SSUH2: variants seen among roughly 807,000 people sequenced by gnomAD.
SSUH2 encodes ssu-2 homolog, also known as protein SSUH2 homolog.
In SSUH2, 47 loss-of-function variants were observed where a neutral mutation model predicts 55.3. The ratio of observed to expected loss-of-function variants is 0.85; its 90% CI spans 0.67 to 1.08. SSUH2 has a LOEUF of 1.08. Among genes scored for constraint, SSUH2 ranks in the 50% least tolerant of loss-of-function variants. The pLI, the probability that SSUH2 is intolerant of heterozygous loss-of-function variation, is 0.00. For synonymous variants in SSUH2, 212 were observed against 191.5 expected (o/e 1.11, Z -0.89); for missense variants, 535 against 490.7 (o/e 1.09, Z -0.85).
intron 8 of SSUH2, 25 bp downstream of exon 8, chr3:8,627,673 C>G: frequency 1.4e-6 from 2 of 1,424,808 alleles, no homozygotes; most frequent in South Asian, 1.4e-5. Context: ...AGCACTTCAC[C>G]GCGGTGCTGG....
In SSUH2 at chr3:8,623,636, G is replaced by C. The variant is rs1009408235; in HGVS notation, c.894C>G (p.Phe298Leu). Residue 298 changes from phenylalanine (F) to leucine (L), a missense_variant, in exon 11 of 12, where the codon TTC (phenylalanine) becomes TTG (leucine). Physicochemically the swap from Phe to Leu is conservative, Grantham distance 22. Coordinates refer to ENST00000544814, the MANE Select transcript of SSUH2 (RefSeq NM_001256748.3). ...ENSVVYPIVD[F>L]PLRDISLASQ... ...AGGCAAGAGAGATGTCTCGCAGAGG[G>C]AAGTCCACGATGGGGTACACCTGGG... 3.3e-6 allele frequency: 5 copies of C among 1,538,100 alleles called. No homozygotes were observed. In the African/African-American group the frequency reaches 4.1e-5, roughly 13 times the overall value.
At chr3:8,648,979 C>CT (rs369236300), upstream of SSUH2, among the ~76,000 whole-genome samples, 20 of 152,294 alleles carry the variant, frequency 1.3e-4, no homozygotes, top group African/African-American at 4.8e-4. Flanking sequence ...TCTCCAGCAC[C>CT]TGGCCAAGCC....
At chr3:8,628,505 TC>T (rs1361623789) in intron 7 of SSUH2, among the ~76,000 whole-genome samples, 1 of 152,188 alleles carries the variant, frequency 6.6e-6, no homozygotes, top group Non-Finnish European at 1.5e-5. Flanking sequence ...TTTACTGGAA[TC>T]CCAGAGTGGG....
intron 11 of SSUH2, among the ~76,000 whole-genome samples, chr3:8,621,980 G>C (rs147262024): frequency 6.8e-6 from 1 of 147,942 alleles, no homozygotes; most frequent in Non-Finnish European, 1.5e-5. Flanking sequence ...AAAAAGTCTC[G>C]AAGTTTGAGG....
upstream of SSUH2, among the ~76,000 whole-genome samples, chr3:8,646,377 GAAC>G (rs1158589745): frequency 6.6e-6 from 1 of 152,078 alleles, no homozygotes; most frequent in Non-Finnish European, 1.5e-5. Context: ...CATTTAAAAG[GAAC>G]AACCACAGAA....
At chr3:8,679,465 G>C (rs1219926769) in intron 2 of SSUH2, among the ~76,000 whole-genome samples, 2 of 140,464 alleles carry the variant, frequency 1.4e-5, no homozygotes, top group East Asian at 2.3e-4. Flanking sequence ...CACCCCCCGG[G>C]AGGCGGGGAC....
intron 3 of SSUH2, chr3:8,634,531 T>C: frequency 7.8e-7 from 1 of 1,289,744 alleles, no homozygotes. Context: ...TCCAGCATCC[T>C]CCAGCCCTGG....
intron 2 of SSUH2, among the ~76,000 whole-genome samples, chr3:8,678,486 C>T (rs1256384978): frequency 1.4e-5 from 2 of 142,076 alleles, no homozygotes; most frequent in Non-Finnish European, 3.2e-5. Flanking sequence ...ACCCCCATTG[C>T]AAGGGGGTGA....
chr3:8,643,532 C>A (rs1176971012), intron 1 of SSUH2, among the ~76,000 whole-genome samples: 1 of 152,146 alleles, frequency 6.6e-6, no homozygotes, highest in African/African-American at 2.4e-5. Flanking sequence ...TATCTCCAGG[C>A]AGTCTTTCAC....
chr3:8,660,737 T>C (rs907534388), intron 6 of SSUH2, among the ~76,000 whole-genome samples: 2 of 152,224 alleles, frequency 1.3e-5, no homozygotes, highest in Non-Finnish European at 2.9e-5. Flanking sequence ...ATATGACCTA[T>C]CATATGATTA....
intron 1 of SSUH2, among the ~76,000 whole-genome samples, chr3:8,681,019 T>C (rs575776875): frequency 2.9e-4 from 36 of 126,226 alleles, no homozygotes; most frequent in Admixed American, 2.5e-3. Flanking sequence ...GGAGGCAACC[T>C]CCAAGTGGCG....
chr3:8,633,790 G>C lies in SSUH2; in HGVS notation c.215C>G (p.Pro72Arg). The C allele has an allele frequency of 3.7e-6, 6 of 1,613,476 alleles. No individual in the cohort carries two copies. The highest frequency in any genetic ancestry group is 4.2e-6 in the Non-Finnish European group (5 of 1,179,794). The change falls in exon 4 of 12, where the codon CCT becomes CGT. Residue 72 changes from proline (P) to arginine (R), a missense_variant. Pro to Arg is a moderately radical substitution (Grantham distance 103, BLOSUM62 -2). Transcript: ENST00000544814. ...SWPSFLEHRV[P>R]AMTEEVAREA... is the part of the protein sequence containing the mutation. ...CCGGGCCACCTCCTCCGTCATCGCAGGGACTCTGCAGGGGACCGAACAGAG... is the reference window on the plus strand; with the variant it reads ...CCGGGCCACCTCCTCCGTCATCGCACGGACTCTGCAGGGGACCGAACAGAG...
At chr3:8,654,052 G>T (rs1374094732) in intron 7 of SSUH2, among the ~76,000 whole-genome samples, 1 of 152,194 alleles carries the variant, frequency 6.6e-6, no homozygotes, top group Non-Finnish European at 1.5e-5. Flanking sequence ...TGACAGAAAT[G>T]TATTTTCTCA....
intron 1 of SSUH2, among the ~76,000 whole-genome samples, chr3:8,642,115 T>C (rs1700953265): frequency 6.6e-6 from 1 of 152,228 alleles, no homozygotes; most frequent in African/African-American, 2.4e-5. Flanking sequence ...GAGACTGTAT[T>C]TATAGCCCAT....
In SSUH2 at chr3:8,625,579, G is replaced by A. The variant is rs200430412; in HGVS notation, c.836C>T (p.Ala279Val). The A allele has an allele frequency of 3.1e-6, 5 of 1,613,832 alleles. No individual in the cohort carries two copies. The change falls in exon 10 of 12, where the codon GCC (alanine) becomes GTC (valine). Residue 279 changes from alanine to valine, a missense_variant. Transcript: ENST00000544814. ...ATCCTTAAAGAGGTTTTCTCCTTTGGCTTTAGCAAGGAGCTCCCTGGGGCA... is the reference window on the plus strand; with the variant it reads ...ATCCTTAAAGAGGTTTTCTCCTTTGACTTTAGCAAGGAGCTCCCTGGGGCA... ...LNCPRELLAKAKGENLFKDEN... is the reference protein window; with the variant it reads ...LNCPRELLAKVKGENLFKDEN...
intron 7 of SSUH2, among the ~76,000 whole-genome samples, chr3:8,650,450 T>C (rs1389141440): frequency 3.3e-5 from 5 of 152,238 alleles, no homozygotes; most frequent in Non-Finnish European, 7.3e-5. Flanking sequence ...AATAAATAAA[T>C]ATATTCTTAT....
intron 1 of SSUH2, among the ~76,000 whole-genome samples, chr3:8,681,478 G>A (rs548721515): frequency 6.9e-5 from 10 of 145,888 alleles, no homozygotes; most frequent in Non-Finnish European, 1.1e-4. Context: ...CCCGTCGTAG[G>A]GGGGAGGCAG....
intron 3 of SSUH2, among the ~76,000 whole-genome samples, chr3:8,676,442 C>T (rs1242172471): frequency 6.6e-6 from 1 of 150,788 alleles, no homozygotes; most frequent in African/African-American, 2.4e-5. Context: ...GGAAAAATAT[C>T]CCTGGGGGGT....
intron 5 of SSUH2, 104 bp downstream of exon 5, chr3:8,631,945 G>T: frequency 2.3e-6 from 2 of 885,904 alleles, no homozygotes; most frequent in Non-Finnish European, 3.7e-6. Context: ...CCAAGCAGAA[G>T]ACCATCTTAT....
Sources: allele counts gnomAD v4.1 joint callset (sites outside exome capture counted in the v4.1 genomes callset), GRCh38; gene constraint gnomAD v4.1.1; transcripts MANE v1.5; gene names NCBI Gene and HGNC (gene_info 2026-07-23, HGNC 2026-07-21).